STT3B: variants seen among roughly 807,000 people sequenced by gnomAD.
STT3B encodes dolichyl-diphosphooligosaccharide--protein glycosyltransferase subunit STT3B.
A neutral mutation model predicts 96.8 loss-of-function variants in STT3B; 29 were observed. The ratio of observed to expected loss-of-function variants is 0.30; its 90% CI spans 0.22 to 0.41. The LOEUF is 0.41. Among genes scored for constraint, STT3B ranks in the 10% least tolerant of loss-of-function variants. The pLI, the probability that STT3B is intolerant of heterozygous loss-of-function variation, is 1.00. For missense variants in STT3B, 640 were observed against 1,022.3 expected, an observed-to-expected ratio of 0.63 and a Z score of 5.10; for synonymous variants, 367 against 360.0, an observed-to-expected ratio of 1.02 and a Z score of -0.22.
chr3:31,624,612 A>T (rs551492689), intron 11 of STT3B, among the ~76,000 whole-genome samples: 1 of 150,964 alleles, frequency 6.6e-6, no homozygotes, highest in South Asian at 2.1e-4. Flanking sequence ...TTCACTTGGG[A>T]GCTTATTAGG....
At chr3:31,609,149 A>G (rs1699125878) in intron 5 of STT3B, among the ~76,000 whole-genome samples, 1 of 152,168 alleles carries the variant, frequency 6.6e-6, no homozygotes, top group Admixed American at 6.5e-5. Context: ...AAGAAGAACC[A>G]AAACGTTTTT....
At position 31,626,053 on chromosome 3, in the gene STT3B, T is replaced by C; in HGVS notation, c.1999T>C (p.Tyr667His). Residue 667 changes from tyrosine to histidine, a missense_variant, in exon 13 of 16, where the codon TAT becomes CAT. Transcript: ENST00000295770. ...GGTTATTTTTGGAGGGGTTATTGGC[T>C]ATTCTGGTGATGATATCAACAAATT... Reference protein sequence around the residue: ...VLVIFGGVIGYSGDDINKFLW... With the variant: ...VLVIFGGVIGHSGDDINKFLW... 6.2e-7 allele frequency: 1 copy of C among 1,613,906 alleles called. No individual in the cohort carries two copies. Among genetic ancestry groups the C allele is most frequent in the East Asian group, 2.2e-5 (1 of 44,810 alleles).
intron 4 of STT3B, among the ~76,000 whole-genome samples, chr3:31,599,879 A>C (rs1422000788): frequency 6.6e-6 from 1 of 152,160 alleles, no homozygotes; most frequent in African/African-American, 2.4e-5. Flanking sequence ...AGTTTTGAGA[A>C]TCTCAAAGCG....
Position 31,600,446 on chromosome 3 carries a change from A to G in STT3B, c.864A>G (p.Lys288=), listed in dbSNP as rs781317561. 3 of 1,537,918 alleles carry G rather than the reference A, an allele frequency of 2.0e-6. No individual in the cohort carries two copies. The highest frequency in any genetic ancestry group is 2.3e-5 in the East Asian group (1 of 44,060). Residue 288 remains lysine (K), a synonymous_variant, in exon 5 of 16, where the codon AAA becomes AAG. Transcript: ENST00000295770. ...TGTTACTGATGCAGAGATACAGCAA[A>G]AGAGTCTACATAGGTAAGTAATTTG... is the stretch of plus-strand genomic sequence containing the variant. ...FVLLLMQRYS[K]RVYIAYSTFY... is the part of the protein sequence containing the mutation.
chr3:31,544,150 A>G (rs536677856), intron 1 of STT3B, among the ~76,000 whole-genome samples: 170 of 152,296 alleles, frequency 1.1e-3, no homozygotes, highest in African/African-American at 3.9e-3. Flanking sequence ...TGGATTAATG[A>G]TTCATTTGGT....
chr3:31,572,061 A>ATTAAT (rs1698167530), intron 1 of STT3B, among the ~76,000 whole-genome samples: 1 of 141,354 alleles, frequency 7.1e-6, no homozygotes. Context: ...ATCATATATT[A>ATTAAT]ATATATTAAA....
At chr3:31,579,773 T>G in intron 2 of STT3B, 36 bp from the exon 3 acceptor site, 7 of 1,519,276 alleles carry the variant, frequency 4.6e-6, no homozygotes, top group Non-Finnish European at 6.3e-6. Flanking sequence ...TGTCTCATTT[T>G]ATATGTAATT....
intron 1 of STT3B, among the ~76,000 whole-genome samples, chr3:31,572,662 G>C (rs74538028): frequency 0.053 from 8,070 of 152,192 alleles, 729 homozygotes; most frequent in African/African-American, 0.18. Context: ...AAGAGTTGGA[G>C]ACCAGTCTGG....
intron 5 of STT3B, among the ~76,000 whole-genome samples, chr3:31,608,786 AT>A (rs1416560255): frequency 2.6e-5 from 4 of 152,294 alleles, no homozygotes; most frequent in African/African-American, 9.6e-5. Context: ...AGTTAAATGA[AT>A]TTAGGAGCCT....
At chr3:31,635,023 T>A (rs1044280206) in intron 15 of STT3B, among the ~76,000 whole-genome samples, 1 of 152,234 alleles carries the variant, frequency 6.6e-6, no homozygotes, top group Admixed American at 6.5e-5. Context: ...TAGAAACTAC[T>A]ATAAATTATC....
At chr3:31,559,376 T>C (rs998811957) in intron 1 of STT3B, among the ~76,000 whole-genome samples, 3 of 151,744 alleles carry the variant, frequency 2.0e-5, no homozygotes, top group African/African-American at 4.8e-5. Flanking sequence ...CTGTTTCTTA[T>C]AGGTTTGGGT....
chr3:31,633,875 GATT>G (rs1442422603), intron 15 of STT3B, among the ~76,000 whole-genome samples: 1 of 152,042 alleles, frequency 6.6e-6, no homozygotes, highest in Non-Finnish European at 1.5e-5. Flanking sequence ...TTATAATACT[GATT>G]ATTATTAGAC....
intron 1 of STT3B, among the ~76,000 whole-genome samples, chr3:31,537,799 T>A (rs2125433145): frequency 6.6e-6 from 1 of 152,316 alleles, no homozygotes; most frequent in East Asian, 1.9e-4. Flanking sequence ...AGCCCTTCTG[T>A]ACCTAATCAA....
chr3:31,548,204 G>C (rs555276289), intron 1 of STT3B, among the ~76,000 whole-genome samples: 2 of 152,232 alleles, frequency 1.3e-5, no homozygotes, highest in South Asian at 4.1e-4. Context: ...GTAAACTAAA[G>C]TATAACATAT....
intron 1 of STT3B, among the ~76,000 whole-genome samples, chr3:31,557,311 C>T (rs1697743849): frequency 6.6e-6 from 1 of 152,130 alleles, no homozygotes; most frequent in Admixed American, 6.5e-5. Flanking sequence ...GTTTGGCCTC[C>T]AGCTTTGTTC....
At chr3:31,620,662 A>G (rs1230152545) in intron 9 of STT3B, among the ~76,000 whole-genome samples, 2 of 152,242 alleles carry the variant, frequency 1.3e-5, no homozygotes, top group Non-Finnish European at 2.9e-5. Flanking sequence ...AAATAAGCAG[A>G]TATCAAAGGC....
At position 31,561,255 on chromosome 3, in the gene STT3B, CT is replaced by C. The variant is rs573175852; in HGVS notation, c.315-15132del. 1.8e-4 allele frequency among the ~76,000 whole-genome samples: 26 copies of C among 145,512 alleles called. No homozygotes were observed. The South Asian group carries it at 3.5e-3, about 20-fold the overall frequency. ...TCTTTTTCTGGGATTTTGTGAATTT[CT>C]TTTTTTTTCAAAATTTTTTATTTTT... On this transcript the variant is annotated intron_variant, in intron 1 of 15. Transcript: ENST00000295770.
At chr3:31,589,080 C>T (rs1024713706) in intron 3 of STT3B, among the ~76,000 whole-genome samples, 4 of 152,028 alleles carry the variant, frequency 2.6e-5, no homozygotes, top group African/African-American at 9.7e-5. Context: ...TGGAATATCT[C>T]TCTGTTTATT....
At chr3:31,634,552 G>A (rs1331110572) in intron 15 of STT3B, among the ~76,000 whole-genome samples, 2 of 152,148 alleles carry the variant, frequency 1.3e-5, no homozygotes, top group African/African-American at 4.8e-5. Flanking sequence ...CACTATGAAG[G>A]AATGCTTTTT....
Sources: gnomAD v4.1 joint callset for allele counts (sites outside exome capture counted in the v4.1 genomes callset) on GRCh38, gnomAD v4.1.1 for gene constraint, MANE v1.5 for transcripts, NCBI Gene and HGNC (gene_info 2026-07-23, HGNC 2026-07-21) for gene names.